Variants in DIP2A observed in about 807,000 individuals in gnomAD.
The protein encoded by DIP2A is DIP2 acetate--CoA ligase A.
DIP2A carries 85 observed loss-of-function variants against 177.4 expected under a neutral mutation model. The ratio of observed to expected loss-of-function variants is 0.48; its 90% CI spans 0.40 to 0.57. The LOEUF (loss-of-function observed/expected upper bound fraction) is 0.57. Ranked by LOEUF, DIP2A falls within the 20% of genes least tolerant of loss-of-function variation. The probability of loss-of-function intolerance (pLI) is 0.00; values close to 1 mark genes in which losing one functional copy is unlikely to be tolerated. For synonymous variants in DIP2A, 886 were observed against 881.8 expected, an observed-to-expected ratio of 1.00 and a Z score of -0.08; for missense variants, 1,791 against 2,100.2, an observed-to-expected ratio of 0.85 and a Z score of 2.88.
At chr21:46,459,299 C>A in intron 1 of DIP2A, 77 bp downstream of exon 1, 1 of 1,278,176 alleles carries the variant, frequency 7.8e-7, no homozygotes, top group Non-Finnish European at 1.0e-6. Flanking sequence ...CTCCGGGACC[C>A]CCGCGCGGCC....
In DIP2A at chr21:46,517,054, C is replaced by CTTTT. The variant is rs71318086; in HGVS notation, c.1102+5464_1102+5467dup. Among the ~76,000 whole-genome samples the CTTTT allele has an allele frequency of 6.2e-4, 38 of 60,882 alleles. 3 individuals carry two copies. The highest frequency in any genetic ancestry group is 9.2e-4 in the African/African-American group (13 of 14,144). The allele number at this position is 60,882 out of a possible 152,430, so 39.9% of individuals were successfully genotyped here. A position where few individuals can be genotyped will look rare whatever the true frequency, so the allele number is the denominator to read the frequency against. On this transcript the variant is annotated intron_variant, in intron 8 of 37. Transcript: ENST00000417564. ...TTGCTCTTGTCTGTGTTTTCTCTCT[C>CTTTT]TTTTTTTTTTTTTTTTTTTTTTTTT...
At position 46,556,890 on chromosome 21, in the gene DIP2A, C is replaced by A. The variant is rs1172881331; in HGVS notation, c.3499-49C>A. On this transcript the variant is annotated intron_variant, in intron 29 of 37. Transcript: ENST00000417564. The surrounding 1 kb of genome is among the most constrained non-coding windows in gnomAD (Gnocchi z 4.5). Reference sequence around the variant, plus strand: ...GACACTGCCATCCACCCTCTCCCCTCCTGAATTTCATTTCACTTTTTTTTT... The same window carrying A: ...GACACTGCCATCCACCCTCTCCCCTACTGAATTTCATTTCACTTTTTTTTT... The A allele has an allele frequency of 6.7e-7, 1 of 1,490,670 alleles. No homozygotes were observed. Among genetic ancestry groups the A allele is most frequent in the South Asian group, 1.3e-5 (1 of 79,212 alleles). The allele number at this position is 1,490,670 out of a possible 1,614,324, so 92.3% of individuals were successfully genotyped here.
At chr21:46,503,615 T>TTCCTTCCTTCCTTC (rs1568987054) in intron 5 of DIP2A, among the ~76,000 whole-genome samples, 2,740 of 89,486 alleles carry the variant, frequency 0.031, 68 homozygotes, top group Non-Finnish European at 0.041. Context: ...TTCCTTCCTT[T>TTCCTTCCTTCCTTC]CTTTCTTTCT....
At chr21:46,489,234 A>T (rs1234992769) in intron 2 of DIP2A, among the ~76,000 whole-genome samples, 1 of 152,230 alleles carries the variant, frequency 6.6e-6, no homozygotes, top group African/African-American at 2.4e-5. Context: ...ACCACCCCAA[A>T]ATGTACACAG....
At chr21:46,482,117 G>A (rs558834457) in intron 1 of DIP2A, among the ~76,000 whole-genome samples, 1 of 152,212 alleles carries the variant, frequency 6.6e-6, no homozygotes, top group South Asian at 2.1e-4. Context: ...TAATAAATTT[G>A]ATAAACCTCT....
chr21:46,554,230 C>A lies in DIP2A; in HGVS notation c.3092C>A (p.Ala1031Glu). Residue 1031 changes from alanine to glutamate, a missense_variant, in exon 26 of 38, where the codon GCG becomes GAG. Coordinates refer to ENST00000417564, the MANE Select transcript of DIP2A (RefSeq NM_015151.4). ...QLHKRAERVA[A>E]ALMEKGRLSV... ...CACAAAAGGGCTGAGAGAGTGGCCG[C>A]GGCTCTGATGGAGAAGGGAAGACTG... 3 of 1,613,960 alleles carry A rather than the reference C, an allele frequency of 1.9e-6. No homozygotes were observed. Among genetic ancestry groups the A allele is most frequent in the Non-Finnish European group, 2.5e-6 (3 of 1,179,858 alleles).
chr21:46,478,235 G>C (rs1258953206), intron 1 of DIP2A, among the ~76,000 whole-genome samples: 1 of 150,900 alleles, frequency 6.6e-6, no homozygotes, highest in Non-Finnish European at 1.5e-5. Context: ...TTTTTGAGAG[G>C]GAGTTTCGCT....
At chr21:46,534,834 A>T in intron 13 of DIP2A, 147 bp downstream of exon 13, 1 of 676,286 alleles carries the variant, frequency 1.5e-6, no homozygotes, top group Non-Finnish European at 2.5e-6. Context: ...AGGTAGGGAG[A>T]TGCACTGTCT....
In DIP2A at chr21:46,483,301, A is replaced by G. The variant is rs150219188; in HGVS notation, c.92-1456A>G. ...AAAGTTTCTAAAAGACACTATAGAA[A>G]GAAGCTATAAGAAAATATGTCTAAA... On this transcript the variant is annotated intron_variant, in intron 1 of 37. Transcript: ENST00000417564. Among the ~76,000 whole-genome samples the G allele has an allele frequency of 1.2e-4, 19 of 152,208 alleles. No individual in the cohort carries two copies. In the East Asian group the frequency reaches 3.7e-3, roughly 29 times the overall value.
chr21:46,546,651 A>G (rs1241907266), intron 20 of DIP2A, among the ~76,000 whole-genome samples: 1 of 151,848 alleles, frequency 6.6e-6, no homozygotes, highest in Non-Finnish European at 1.5e-5. Flanking sequence ...ACTTTCTTTC[A>G]CATAGCCTGC....
downstream of DIP2A, among the ~76,000 whole-genome samples, chr21:46,573,990 A>G (rs561820609): frequency 6.6e-5 from 10 of 152,328 alleles, no homozygotes; most frequent in East Asian, 1.7e-3. Context: ...AAACAGCACA[A>G]CAAACTAACT....
At chr21:46,552,447 A>G (rs1485830071) in intron 25 of DIP2A, among the ~76,000 whole-genome samples, 1 of 152,180 alleles carries the variant, frequency 6.6e-6, no homozygotes, top group African/African-American at 2.4e-5. Context: ...AGAAGCTGTA[A>G]TCTTCATATT....
At chr21:46,538,681 A>C in intron 16 of DIP2A, 79 bp downstream of exon 16, 1 of 1,504,392 alleles carries the variant, frequency 6.6e-7, no homozygotes, top group South Asian at 1.3e-5. Flanking sequence ...ACTGAGAAGC[A>C]AAATGGAGGC....
the DIP2A span, among the ~76,000 whole-genome samples, chr21:46,582,920 A>G: frequency 0.11 from 16,588 of 152,154 alleles, 1,305 homozygotes; most frequent in African/African-American, 0.22. Flanking sequence ...ACAGTTTATT[A>G]AAAAGGCAGA....
chr21:46,459,225 G>C lies in DIP2A; in HGVS notation c.91+3G>C. 6.6e-7 allele frequency: 1 copy of C among 1,522,766 alleles called. No individual in the cohort carries two copies. The highest frequency in any genetic ancestry group is 2.0e-5 in the Admixed American group (1 of 48,942). 94.3% of individuals were successfully genotyped at this position (1,522,766 alleles called of 1,614,324 possible). ...GCTGGAGCTGGAGCTGTCGGAAGGT[G>C]AGCCGGACCCCGCCCTCAACCCCCG... On this transcript the variant is annotated splice_donor_region_variant and intron_variant, in intron 1 of 37. Transcript: ENST00000417564.
chr21:46,549,705 G>T, intron 21 of DIP2A, 66 bp from the exon 22 acceptor site: 2 of 1,596,112 alleles, frequency 1.3e-6, no homozygotes, highest in Non-Finnish European at 1.7e-6. Context: ...CATCGTGAGG[G>T]TGAGAATGCA....
intron 33 of DIP2A, 52 bp downstream of exon 33, chr21:46,560,835 G>A (rs2060638407): frequency 7.7e-6 from 12 of 1,568,176 alleles, no homozygotes; most frequent in East Asian, 4.7e-5. Context: ...GCAAAGTGAT[G>A]CAAACCAGGT....
At chr21:46,503,957 C>T (rs557410375) in intron 5 of DIP2A, among the ~76,000 whole-genome samples, 21 of 152,326 alleles carry the variant, frequency 1.4e-4, no homozygotes, top group Admixed American at 7.8e-4. Flanking sequence ...AACCCCTGAC[C>T]TCAGGTGATC....
At chr21:46,528,568 T>TTTTTTTA (rs1569043246) in intron 8 of DIP2A, among the ~76,000 whole-genome samples, 24 of 90,636 alleles carry the variant, frequency 2.6e-4, no homozygotes, top group East Asian at 9.0e-4. Flanking sequence ...TTTTTTTTTT[T>TTTTTTTA]AGATAATGTC....
Sources: gnomAD v4.1 joint callset for allele counts (sites outside exome capture counted in the v4.1 genomes callset) on GRCh38, gnomAD v4.1.1 for gene constraint, Gnocchi (gnomAD v3.1) non-coding constraint, MANE v1.5 for transcripts, NCBI Gene and HGNC (gene_info 2026-07-23, HGNC 2026-07-21) for gene names.